FGF22: variants seen among roughly 807,000 people sequenced by gnomAD.
FGF22 encodes the protein FGF-22.
FGF22 carries 11 observed loss-of-function variants against 10.3 expected under a neutral mutation model. The observed-to-expected ratio is 1.07, with a 90% confidence interval of 0.67 to 1.77. The LOEUF (loss-of-function observed/expected upper bound fraction) is 1.77. FGF22 is among the 40% of genes most tolerant of loss of function. FGF22 has a pLI of 0.00. For synonymous variants in FGF22, 136 were observed against 122.1 expected, an observed-to-expected ratio of 1.11 and a Z score of -0.75; for missense variants, 317 against 273.2, an observed-to-expected ratio of 1.16 and a Z score of -1.13.
chr19:641,901 C>A (rs1423723920), intron 1 of FGF22, among the ~76,000 whole-genome samples: 1 of 152,038 alleles, frequency 6.6e-6, no homozygotes, highest in Non-Finnish European at 1.5e-5. Context: ...TGAGGAGTGG[C>A]GGCTGGCCCC....
chr19:641,724 G>A (rs1038071495), intron 1 of FGF22: 12 of 165,986 alleles, frequency 7.2e-5, no homozygotes, highest in East Asian at 1.7e-4. Flanking sequence ...TGACACAGAC[G>A]CCCCAGAACA....
chr19:642,888 T>A (rs11572880), intron 1 of FGF22, among the ~76,000 whole-genome samples: 3 of 151,868 alleles, frequency 2.0e-5, no homozygotes, highest in African/African-American at 7.3e-5. Flanking sequence ...CCCCCCGCCA[T>A]ACACACACAC....
rs556618888 is a variant in FGF22, at chr19:641,856, C to T, written c.215-1379C>T. Among the ~76,000 whole-genome samples, 8 of 152,268 alleles carry T rather than the reference C, an allele frequency of 5.3e-5. No individual in the cohort carries two copies. In the East Asian group the frequency reaches 1.2e-3, roughly 22 times the overall value. Reference sequence around the variant, plus strand: ...GGAACTGTACACCCAGCTGACAAAGCGGCAGACACCCAGGCCGGGGTGAGC... The same window carrying T: ...GGAACTGTACACCCAGCTGACAAAGTGGCAGACACCCAGGCCGGGGTGAGC... On this transcript the variant is annotated intron_variant, in intron 1 of 2. Transcript: ENST00000215530.
At chr19:643,250 G>C (rs138373700) in exon 2 of FGF22, 5 of 1,611,274 alleles carry the variant, frequency 3.1e-6, no homozygotes, top group Non-Finnish European at 4.2e-6. Flanking sequence ...CTGGAGATCC[G>C]CTCTGTACAC....
exon 3 of FGF22, chr19:643,677 C>T (rs1449082197): frequency 4.7e-6 from 6 of 1,275,566 alleles, no homozygotes; most frequent in Admixed American, 5.5e-5. Context: ...TTGTTCTTCC[C>T]CCTGCGGGCT....
At chr19:644,330 C>G (rs1015584804) in exon 3 of FGF22, 2 of 152,324 alleles carry the variant, frequency 1.3e-5, no homozygotes, top group Admixed American at 1.3e-4. Flanking sequence ...AGTTTGGACT[C>G]TGGCCTCCAG....
At chr19:641,038 C>T in intron 1 of FGF22, 2 of 388,226 alleles carry the variant, frequency 5.2e-6, no homozygotes, top group Admixed American at 5.8e-5. Context: ...CGCTGCCTGA[C>T]CTGGAACAGT....
At chr19:643,506 A>G (rs1985982892) in exon 3 of FGF22, 7 of 1,609,964 alleles carry the variant, frequency 4.3e-6, no homozygotes, top group Non-Finnish European at 5.1e-6. Context: ...CGGCCAGCCC[A>G]TGTTCCTGGC....
rs776733729 is a variant in FGF22 at position 640,109 on chromosome 19, C to T, written c.184C>T (p.Gln62Ter). 279 of 1,385,654 alleles carry T rather than the reference C, an allele frequency of 2.0e-4. No homozygotes were observed. Among genetic ancestry groups the T allele is most frequent in the Admixed American group, 6.4e-4 (21 of 32,684 alleles). The allele number at this position is 1,385,654 out of a possible 1,614,324, so 85.8% of individuals were successfully genotyped here. Residue 62 changes from glutamine (Q) to a stop codon, truncating the protein, a stop_gained, in exon 1 of 3, where the codon CAG (glutamine) becomes TAG (stop). Coordinates refer to ENST00000215530, the Ensembl canonical transcript of FGF22. LOFTEE classifies it high-confidence loss of function. ...GCGCGTGGATCCCGGCGGCCGCGTG[C>T]AGGGCACCCGCTGGCGCCACGGCCA...
intron 1 of FGF22, chr19:641,452 G>A (rs1354080045): frequency 1.1e-5 from 4 of 355,670 alleles, no homozygotes; most frequent in Admixed American, 3.5e-5. Context: ...GCGGGCGCCT[G>A]TAGTCCCAGC....
At chr19:640,815 C>G (rs536844345) in intron 1 of FGF22, 10 of 223,480 alleles carry the variant, frequency 4.5e-5, no homozygotes, top group Non-Finnish European at 9.3e-5. Context: ...GCGGGGGGCA[C>G]TGGGAAGGGG....
chr19:643,178 C>T lies in FGF22; in HGVS notation c.215-57C>T, dbSNP rs1367942285. ...AGGGCCCTGCACGAAGCACAGCGGA[C>T]AGCAGCGGTGCTGGGGGTGAGCCAG... On this transcript the variant is annotated intron_variant, in intron 1 of 2. Transcript: ENST00000215530. 6 of 737,680 alleles carry T rather than the reference C, an allele frequency of 8.1e-6. No individual in the cohort carries two copies. The African/African-American group carries it at 1.4e-4, about 17-fold the overall frequency. The allele number at this position is 737,680 out of a possible 1,614,324, so 45.7% of individuals were successfully genotyped here. A position where few individuals can be genotyped will look rare whatever the true frequency, so the allele number is the denominator to read the frequency against.
intron 1 of FGF22, chr19:641,105 T>G (rs1437757194): frequency 1.6e-5 from 7 of 450,192 alleles, no homozygotes; most frequent in Non-Finnish European, 3.1e-5. Flanking sequence ...GGGTGAGGGC[T>G]AGCTGAGGGC....
chr19:641,866 C>A (rs1985913300), intron 1 of FGF22, among the ~76,000 whole-genome samples: 1 of 152,124 alleles, frequency 6.6e-6, no homozygotes, highest in Non-Finnish European at 1.5e-5. Context: ...CGGCAGACAC[C>A]CAGGCCGGGG....
exon 2 of FGF22, chr19:643,248 C>T: frequency 6.2e-7 from 1 of 1,611,162 alleles, no homozygotes; most frequent in South Asian, 1.1e-5. Context: ...TCCTGGAGAT[C>T]CGCTCTGTAC....
rs1985905926 is a variant in FGF22 at position 641,625 on chromosome 19, TG to T, written c.214+1489del. On this transcript the variant is annotated intron_variant, in intron 1 of 2. Coordinates refer to ENST00000215530, the Ensembl canonical transcript of FGF22. ...TGAATGACGTGAACAAGGGTGCAGG[TG>T]GGTGCGCAGAACAGTGAACGGCGGT... 7 of 235,522 alleles carry T rather than the reference TG, an allele frequency of 3.0e-5. No homozygotes were observed. The South Asian group carries it at 3.2e-4, about 11-fold the overall frequency. 14.6% of individuals were successfully genotyped at this position (235,522 alleles called of 1,614,324 possible).
chr19:644,163 T>G, exon 3 of FGF22: 2 of 159,172 alleles, frequency 1.3e-5, no homozygotes, highest in Admixed American at 6.1e-5. Context: ...CAGAGAGAGA[T>G]GGGGATGGGC....
intron 1 of FGF22, among the ~76,000 whole-genome samples, chr19:642,884 G>A (rs11572879): frequency 2.4e-4 from 36 of 151,886 alleles, no homozygotes; most frequent in African/African-American, 7.8e-4. Flanking sequence ...GAGCCCCCCC[G>A]CCATACACAC....
At position 639,913 on chromosome 19, in the gene FGF22, CG is replaced by C. The variant is rs565326156; in HGVS notation, c.-10del. 283 of 1,212,424 alleles carry C rather than the reference CG, an allele frequency of 2.3e-4. 1 individual carries two copies. The African/African-American group carries it at 4.1e-3, about 17-fold the overall frequency. 75.1% of individuals were successfully genotyped at this position (1,212,424 alleles called of 1,614,324 possible). A position where few individuals can be genotyped will look rare whatever the true frequency, so the allele number is the denominator to read the frequency against. On this transcript the variant is annotated 5_prime_UTR_variant, in exon 1 of 3. Transcript: ENST00000215530. ...CGGGAGCGACGAGCGCGCAGCGAACCGGGTGCCGGGTCATGCGCCGCCGCCT... is the reference window on the plus strand; with the variant it reads ...CGGGAGCGACGAGCGCGCAGCGAACCGGTGCCGGGTCATGCGCCGCCGCCT...
Sources: allele counts gnomAD v4.1 joint callset (sites outside exome capture counted in the v4.1 genomes callset), GRCh38; gene constraint gnomAD v4.1.1; transcripts MANE v1.5; gene names NCBI Gene and HGNC (gene_info 2026-07-23, HGNC 2026-07-21).